The following BBS9 variants were observed in gnomAD, a reference collection of about 807,000 sequenced individuals.
BBS9 encodes Bardet-Biedl syndrome 9.
BBS9 carries 89 observed loss-of-function variants against 117.7 expected under a neutral mutation model. The observed-to-expected ratio is 0.76, with a 90% confidence interval of 0.64 to 0.90. BBS9 has a LOEUF of 0.90. Among genes scored for constraint, BBS9 ranks in the 40% least tolerant of loss-of-function variants. BBS9 has a pLI of 0.00. For missense variants in BBS9, 982 were observed against 1,042.2 expected, an observed-to-expected ratio of 0.94 and a Z score of 0.80; for synonymous variants, 379 against 370.9, an observed-to-expected ratio of 1.02 and a Z score of -0.25.
chr7:33,424,600 A>G (rs562928143), intron 19 of BBS9, among the ~76,000 whole-genome samples: 12 of 152,334 alleles, frequency 7.9e-5, no homozygotes, highest in African/African-American at 2.9e-4. Flanking sequence ...CTGTTACCAG[A>G]AACAGGTATT....
At chr7:33,624,076 A>G (rs1281075698) in intron 21 of BBS9, among the ~76,000 whole-genome samples, 2 of 152,146 alleles carry the variant, frequency 1.3e-5, no homozygotes, top group African/African-American at 4.8e-5. Context: ...ACATGCCTCT[A>G]ATTTCCCTCA....
At chr7:33,295,477 ACTC>A (rs1805070524) in intron 9 of BBS9, among the ~76,000 whole-genome samples, 1 of 151,844 alleles carries the variant, frequency 6.6e-6, no homozygotes, top group African/African-American at 2.4e-5. Context: ...CTTCTTTTTC[ACTC>A]CTAATTCATC....
At chr7:33,618,649 G>A (rs1028731310) in intron 21 of BBS9, among the ~76,000 whole-genome samples, 5 of 152,130 alleles carry the variant, frequency 3.3e-5, no homozygotes, top group African/African-American at 9.7e-5. Context: ...AAGCCCAGGA[G>A]TTCCAGACCA....
chr7:33,492,198 A>C (rs1731819), intron 19 of BBS9, among the ~76,000 whole-genome samples: 2 of 97,390 alleles, frequency 2.1e-5, no homozygotes, highest in Admixed American at 1.1e-4. Context: ...GCAAGATTCC[A>C]CCTCGAAAAA....
intron 9 of BBS9, among the ~76,000 whole-genome samples, chr7:33,294,351 ATCTCTTTG>A (rs1255764855): frequency 8.8e-4 from 114 of 129,076 alleles, no homozygotes; most frequent in African/African-American, 2.7e-3. Context: ...CTATCTATCT[ATCTCTTTG>A]TCCATCCATC....
In BBS9 at chr7:33,387,943, A is replaced by G. The variant is rs1826325070; in HGVS notation, c.1963-49A>G. On this transcript the variant is annotated intron_variant, in intron 18 of 22. Coordinates refer to ENST00000242067, the MANE Select transcript of BBS9 (RefSeq NM_198428.3). ...CATTGTGTGTATTTTTTCTTTAAAG[A>G]TGTTTTTTGTGTCCATTTAATCTCA... 4 of 1,581,044 alleles carry G rather than the reference A, an allele frequency of 2.5e-6. No individual in the cohort carries two copies. In the South Asian group the frequency reaches 3.3e-5, roughly 13 times the overall value.
Position 33,485,223 on chromosome 7 carries a change from G to T in BBS9, c.2116-20240G>T, listed in dbSNP as rs191820966. ...ATACCTTGGTGATGGGTTTATCTGT[G>T]CAACAAACCACCATGGCACACATTT... On this transcript the variant is annotated intron_variant, in intron 19 of 22. Transcript: ENST00000242067. Among the ~76,000 whole-genome samples, 376 of 151,856 alleles carry T rather than the reference G, an allele frequency of 2.5e-3. 5 individuals are homozygous for T. The South Asian group carries it at 0.034, about 14-fold the overall frequency.
intron 5 of BBS9, among the ~76,000 whole-genome samples, chr7:33,179,300 G>A (rs143560762): frequency 2.8e-3 from 423 of 152,280 alleles, no homozygotes; most frequent in Non-Finnish European, 4.5e-3. Context: ...AGGGATCCCC[G>A]ATCCCCAAGC....
chr7:33,526,885 A>G (rs1274633103), intron 20 of BBS9, among the ~76,000 whole-genome samples: 1 of 149,522 alleles, frequency 6.7e-6, no homozygotes, highest in Non-Finnish European at 1.5e-5. Context: ...GGTTTTATCT[A>G]CTTTTGGTCT....
chr7:33,422,472 A>G (rs1054760893), intron 19 of BBS9, among the ~76,000 whole-genome samples: 1 of 152,166 alleles, frequency 6.6e-6, no homozygotes, highest in African/African-American at 2.4e-5. Context: ...TTGTGATTAC[A>G]TAGTGATGAT....
intron 5 of BBS9, among the ~76,000 whole-genome samples, chr7:33,234,687 C>G (rs1484403086): frequency 1.3e-5 from 2 of 149,420 alleles, no homozygotes; most frequent in Non-Finnish European, 3.0e-5. Flanking sequence ...CTATCTCCAT[C>G]CCTCCATCTA....
intron 21 of BBS9, among the ~76,000 whole-genome samples, chr7:33,576,772 T>A (rs1858966422): frequency 6.6e-6 from 1 of 152,202 alleles, no homozygotes; most frequent in Admixed American, 6.5e-5. Flanking sequence ...AATCATCTGA[T>A]CTTTGACAAA....
intron 19 of BBS9, among the ~76,000 whole-genome samples, chr7:33,504,508 C>G (rs1317988880): frequency 1.3e-5 from 2 of 152,138 alleles, no homozygotes; most frequent in African/African-American, 4.8e-5. Context: ...ATCATCTGCA[C>G]CAGACTTCTG....
At chr7:33,587,377 G>A (rs1307191931) in intron 21 of BBS9, among the ~76,000 whole-genome samples, 3 of 152,038 alleles carry the variant, frequency 2.0e-5, no homozygotes, top group Non-Finnish European at 4.4e-5. Flanking sequence ...CTTAACCAGA[G>A]AGAGCTCTCT....
intron 20 of BBS9, among the ~76,000 whole-genome samples, chr7:33,518,529 G>A (rs1333504426): frequency 6.6e-6 from 1 of 152,032 alleles, no homozygotes. Flanking sequence ...GATTACAGGC[G>A]TGAGCCACCG....
intron 19 of BBS9, among the ~76,000 whole-genome samples, chr7:33,470,949 A>G (rs1840936476): frequency 6.6e-6 from 1 of 152,190 alleles, no homozygotes. Flanking sequence ...CTGCTGATAC[A>G]TAGTAGATTC....
intron 19 of BBS9, among the ~76,000 whole-genome samples, chr7:33,457,985 T>C (rs1479162734): frequency 6.6e-6 from 1 of 152,180 alleles, no homozygotes; most frequent in Non-Finnish European, 1.5e-5. Context: ...TTGAGGCTTT[T>C]AATTTCTAGT....
chr7:33,337,326 A>G (rs1815588495), intron 10 of BBS9, among the ~76,000 whole-genome samples: 1 of 152,152 alleles, frequency 6.6e-6, no homozygotes, highest in Non-Finnish European at 1.5e-5. Flanking sequence ...GTCAGGTAAA[A>G]GTATTTTTTT....
intron 9 of BBS9, among the ~76,000 whole-genome samples, chr7:33,287,081 A>G (rs1183930382): frequency 2.6e-5 from 4 of 152,168 alleles, no homozygotes; most frequent in Non-Finnish European, 5.9e-5. Context: ...TTTCAGAACT[A>G]GCTTTGGAGC....
Sources: gnomAD v4.1 joint callset for allele counts (sites outside exome capture counted in the v4.1 genomes callset) on GRCh38, gnomAD v4.1.1 for gene constraint, MANE v1.5 for transcripts, NCBI Gene and HGNC (gene_info 2026-07-23, HGNC 2026-07-21) for gene names.